The following SLC4A11 variants were observed in gnomAD, a reference collection of about 807,000 sequenced individuals.
SLC4A11 encodes solute carrier family 4 member 11.
In SLC4A11, 74 loss-of-function variants were observed where a neutral mutation model predicts 95.0. That is an observed-to-expected ratio of 0.78 (90% CI 0.65 to 0.95). The LOEUF (loss-of-function observed/expected upper bound fraction) is 0.95, where lower values mean the gene tolerates loss of function less well. Ranked by LOEUF, SLC4A11 falls within the 40% of genes least tolerant of loss-of-function variation. SLC4A11 has a pLI of 0.00. For synonymous variants in SLC4A11, 548 were observed against 519.0 expected (o/e 1.06, Z -0.76); for missense variants, 1,081 against 1,192.4 (o/e 0.91, Z 1.38).
At chr20:3,239,212 G>A (rs996785100), upstream of SLC4A11, 8 of 1,330,184 alleles carry the variant, frequency 6.0e-6, no homozygotes, top group Middle Eastern at 2.4e-4. Context: ...TCGGCGACTC[G>A]GGCGGGCCGG....
rs768808525 is a variant in SLC4A11 at position 3,228,828 on chromosome 20, T to G, written c.2192+10A>C. On this transcript the variant is annotated intron_variant, in intron 17 of 19. Coordinates refer to ENST00000642402, the MANE Select transcript of SLC4A11 (RefSeq NM_001174089.2). ...TCAGGGTCCACGGCTCTTGCCAGCC[T>G]CACACTCACGTGTCATAGATGTGTC... The G allele has an allele frequency of 9.9e-6, 16 of 1,613,712 alleles. No individual in the cohort carries two copies. The Admixed American group carries it at 1.2e-4, about 12-fold the overall frequency.
rs1354814169 is a variant in SLC4A11 at position 3,229,630 on chromosome 20, C to A, written c.1636G>T (p.Glu546Ter). 6.2e-7 allele frequency: 1 copy of A among 1,613,228 alleles called. No individual in the cohort carries two copies. The highest frequency in any genetic ancestry group is 2.2e-5 in the East Asian group (1 of 44,882). ...CCTGAGTGTGTGGCCGAGGGCAGCT[C>A]CGTGGGGCTGGCGAGGAAGCTGGCG... ...LNASFLASPT[E>*]LPSATHSGQA... is the part of the protein sequence containing the mutation. Residue 546 changes from glutamate (E) to a stop codon, truncating the protein, a stop_gained, in exon 14 of 20, where the codon GAG (glutamate) becomes TAG (stop). Coordinates refer to ENST00000642402, the MANE Select transcript of SLC4A11 (RefSeq NM_001174089.2). LOFTEE classifies it high-confidence loss of function.
In SLC4A11 at chr20:3,231,098, C is replaced by T; in HGVS notation, c.1043-40G>A. Reference sequence around the variant, plus strand: ...TGGGAGAGAGGGTTTGCTGGGGATGCAGGACAGGCACACGTGTGGGCCCAA... The same window carrying T: ...TGGGAGAGAGGGTTTGCTGGGGATGTAGGACAGGCACACGTGTGGGCCCAA... On this transcript the variant is annotated intron_variant, in intron 9 of 19. Transcript: ENST00000642402. This position sits in a 1 kb window ranked among gnomAD's most constrained non-coding sequence, Gnocchi z 5.2. 6.2e-7 allele frequency: 1 copy of T among 1,614,096 alleles called. No individual in the cohort carries two copies. Among genetic ancestry groups the T allele is most frequent in the Non-Finnish European group, 8.5e-7 (1 of 1,180,006 alleles).
At chr20:3,232,478 A>G (rs1355409109) in intron 7 of SLC4A11, among the ~76,000 whole-genome samples, 1 of 152,282 alleles carries the variant, frequency 6.6e-6, no homozygotes, top group African/African-American at 2.4e-5. Flanking sequence ...AGGCAGGCAG[A>G]TCACTTGAGG....
At position 3,234,522 on chromosome 20, in the gene SLC4A11, C is replaced by T; in HGVS notation, c.291+46G>A. 1.9e-6 allele frequency: 3 copies of T among 1,612,210 alleles called. No homozygotes were observed. The highest frequency in any genetic ancestry group is 2.5e-6 in the Non-Finnish European group (3 of 1,179,006). ...ATTCTCAGGGAAGCCATCACCTCAG[C>T]CCCCAGGTAGAGGCCCCAGGACCAC... On this transcript the variant is annotated intron_variant, in intron 4 of 19. Transcript: ENST00000642402. This position sits in a 1 kb window ranked among gnomAD's most constrained non-coding sequence, Gnocchi z 5.8.
intron 1 of SLC4A11, chr20:3,238,427 GGGGGGC>G: frequency 9.6e-7 from 1 of 1,040,556 alleles, no homozygotes; most frequent in Non-Finnish European, 1.2e-6. Flanking sequence ...ATCCTGAAGT[GGGGGGC>G]GGGGGCGCTG....
Position 3,234,325 on chromosome 20 carries a change from C to T in SLC4A11, c.292-11G>A. 1 of 1,612,402 alleles carries T rather than the reference C, an allele frequency of 6.2e-7. No homozygotes were observed. The highest frequency in any genetic ancestry group is 8.5e-7 in the Non-Finnish European group (1 of 1,179,242). On this transcript the variant is annotated splice_polypyrimidine_tract_variant and intron_variant, in intron 4 of 19. Coordinates refer to ENST00000642402, the MANE Select transcript of SLC4A11 (RefSeq NM_001174089.2). This position sits in a 1 kb window ranked among gnomAD's most constrained non-coding sequence, Gnocchi z 5.8. ...CTTTAACTTCAGGTACTGAGGGGAC[C>T]CCAGGGACAGAACCACACGGGCCCA...
chr20:3,229,043 C>T (rs1392877397), intron 16 of SLC4A11, 32 bp from the exon 17 acceptor site: 14 of 1,601,754 alleles, frequency 8.7e-6, no homozygotes, highest in Admixed American at 1.7e-5. Flanking sequence ...GGACAGAGCC[C>T]CACAGCAGAG....
chr20:3,232,618 C>T (rs1457727674), intron 7 of SLC4A11, among the ~76,000 whole-genome samples: 5 of 152,104 alleles, frequency 3.3e-5, no homozygotes, highest in African/African-American at 7.2e-5. Flanking sequence ...GAGGCTGAGG[C>T]GGGAGAATCG....
At chr20:3,238,580 C>T (rs1036500266) in intron 1 of SLC4A11, 6 of 990,990 alleles carry the variant, frequency 6.1e-6, no homozygotes, top group African/African-American at 3.5e-5. Context: ...GGCTGGCCCT[C>T]CCGTGTCAGA....
chr20:3,232,905 C>T (rs2067828040), intron 7 of SLC4A11, among the ~76,000 whole-genome samples: 1 of 152,148 alleles, frequency 6.6e-6, no homozygotes, highest in Non-Finnish European at 1.5e-5. Context: ...CCAGGGGCTG[C>T]CCTTCCTCTC....
intron 1 of SLC4A11, chr20:3,237,975 C>A (rs1568548096): frequency 1.3e-6 from 2 of 1,549,974 alleles, no homozygotes; most frequent in African/African-American, 2.7e-5. Flanking sequence ...CGGGCCTCTC[C>A]CCCTCTCTCC....
At chr20:3,233,319 C>T (rs1048147989) in intron 7 of SLC4A11, among the ~76,000 whole-genome samples, 195 bp downstream of exon 7, 1 of 152,278 alleles carries the variant, frequency 6.6e-6, no homozygotes, top group East Asian at 1.9e-4. Context: ...GAAATACGAA[C>T]TTTTCGGCAA....
rs1160824445 is a variant in SLC4A11 at position 3,229,748 on chromosome 20, G to A, written c.1518C>T (p.Tyr506=). ...KIFWKYYYGH[Y]LDDYHTKRTS... is the part of the protein sequence containing the mutation. Reference sequence around the variant, plus strand: ...TCCTTTTTGTGTGATAGTCGTCCAAGTAATGCCCATAGTAGTACTTCCAGA... The same window carrying A: ...TCCTTTTTGTGTGATAGTCGTCCAAATAATGCCCATAGTAGTACTTCCAGA... The change falls in exon 14 of 20, where the codon TAC becomes TAT. Residue 506 remains tyrosine, a synonymous_variant. Coordinates refer to ENST00000642402, the MANE Select transcript of SLC4A11 (RefSeq NM_001174089.2). The A allele has an allele frequency of 1.8e-5, 29 of 1,613,876 alleles. No individual in the cohort carries two copies. Among genetic ancestry groups the A allele is most frequent in the Non-Finnish European group, 2.5e-5 (29 of 1,180,010 alleles).
intron 2 of SLC4A11, among the ~76,000 whole-genome samples, chr20:3,236,315 C>T (rs1421345667): frequency 1.3e-5 from 2 of 152,188 alleles, no homozygotes; most frequent in Admixed American, 6.5e-5. Context: ...AATATTAGGT[C>T]AAAAGACATC....
In SLC4A11 at chr20:3,234,142, T is replaced by G. The variant is rs2067884048; in HGVS notation, c.464A>C (p.Asn155Thr). The change falls in exon 5 of 20, where the codon AAC becomes ACC. Residue 155 changes from asparagine to threonine, a missense_variant. Transcript: ENST00000642402. This position sits in a 1 kb window ranked among gnomAD's most constrained non-coding sequence, Gnocchi z 5.8. ...GAGCATGGCCATGAGCAGGTCCAGG[T>G]TGCAGTTGGGCTCATTGTTGTCAGG... The part of the protein sequence containing the change: ...RDPDNNEPNC[N>T]LDLLMAMLFT... 1.2e-6 allele frequency: 2 copies of G among 1,614,118 alleles called. No individual in the cohort carries two copies. Among genetic ancestry groups the G allele is most frequent in the South Asian group, 2.2e-5 (2 of 91,086 alleles).
Position 3,234,524 on chromosome 20 carries a change from C to G in SLC4A11, c.291+44G>C, listed in dbSNP as rs2067902600. On this transcript the variant is annotated intron_variant, in intron 4 of 19. Coordinates refer to ENST00000642402, the MANE Select transcript of SLC4A11 (RefSeq NM_001174089.2). The surrounding 1 kb of genome is among the most constrained non-coding windows in gnomAD (Gnocchi z 5.8). ...TCTCAGGGAAGCCATCACCTCAGCC[C>G]CCAGGTAGAGGCCCCAGGACCACCT... 1.2e-6 allele frequency: 2 copies of G among 1,612,418 alleles called. No homozygotes were observed. The highest frequency in any genetic ancestry group is 1.7e-5 in the Admixed American group (1 of 59,998).
Position 3,229,579 on chromosome 20 carries a change from G to C in SLC4A11, c.1687C>G (p.Leu563Val). 1 of 1,612,946 alleles carries C rather than the reference G, an allele frequency of 6.2e-7. No individual in the cohort carries two copies. Among genetic ancestry groups the C allele is most frequent in the Non-Finnish European group, 8.5e-7 (1 of 1,179,934 alleles). The change falls in exon 14 of 20, where the codon CTC (leucine) becomes GTC (valine). Residue 563 changes from leucine (L) to valine (V), a missense_variant. Transcript: ENST00000642402. Reference protein sequence around the residue: ...SGQATAVLSLLIMLGTLWLGY... With the variant: ...SGQATAVLSLVIMLGTLWLGY... Reference sequence around the variant, plus strand: ...AGCCAGAGCGTGCCCAGCATGATGAGGAGGCTGAGCACGGCGGTCGCCTGG... The same window carrying C: ...AGCCAGAGCGTGCCCAGCATGATGACGAGGCTGAGCACGGCGGTCGCCTGG...
At chr20:3,235,777 G>A (rs2067963002) in intron 2 of SLC4A11, among the ~76,000 whole-genome samples, 1 of 151,972 alleles carries the variant, frequency 6.6e-6, no homozygotes, top group South Asian at 2.1e-4. Flanking sequence ...ATCACAGCCT[G>A]AGCCAGCCCT....
Sources: allele counts gnomAD v4.1 joint callset (sites outside exome capture counted in the v4.1 genomes callset), GRCh38; gene constraint gnomAD v4.1.1; non-coding constraint Gnocchi (gnomAD v3.1); transcripts MANE v1.5; gene names NCBI Gene and HGNC (gene_info 2026-07-23, HGNC 2026-07-21).